Variants in GEN1 observed in about 807,000 individuals in gnomAD.
GEN1 encodes GEN1 structure-specific endonuclease.
In GEN1, 64 loss-of-function variants were observed where a neutral mutation model predicts 67.6. The ratio of observed to expected loss-of-function variants is 0.95; its 90% CI spans 0.77 to 1.17. The LOEUF is 1.17. Among genes scored for constraint, GEN1 ranks in the 50% most tolerant of loss-of-function variants. The pLI, the probability that GEN1 is intolerant of heterozygous loss-of-function variation, is 0.00. For synonymous variants in GEN1, 371 were observed against 359.4 expected (o/e 1.03, Z -0.37); for missense variants, 1,058 against 1,048.3 (o/e 1.01, Z -0.13).
intron 6 of GEN1, among the ~76,000 whole-genome samples, chr2:17,769,152 T>C (rs1361180788): frequency 6.6e-6 from 1 of 152,130 alleles, no homozygotes; most frequent in Non-Finnish European, 1.5e-5. Flanking sequence ...CCTGAGTAAC[T>C]GGGACAACAG....
chr2:17,780,818 C>A lies in GEN1; in HGVS notation c.1606C>A (p.Pro536Thr). 6.2e-7 allele frequency: 1 copy of A among 1,613,890 alleles called. No individual in the cohort carries two copies. Among genetic ancestry groups the A allele is most frequent in the Non-Finnish European group, 8.5e-7 (1 of 1,179,884 alleles). The change falls in exon 14 of 14, where the codon CCA becomes ACA. Residue 536 changes from proline to threonine, a missense_variant. Coordinates refer to ENST00000381254, the MANE Select transcript of GEN1 (RefSeq NM_001130009.3). ...TAGCTTGCTTTTACCTAAAAATACT[C>A]CATGTTTGAATGCACAAGAACAGTT... is the stretch of plus-strand genomic sequence containing the variant. ...LNSLLLPKNT[P>T]CLNAQEQFMS...
At position 17,771,249 on chromosome 2, in the gene GEN1, C is replaced by G. The variant is rs758265340; in HGVS notation, c.764C>G (p.Thr255Ser). The G allele has an allele frequency of 1.2e-6, 2 of 1,611,336 alleles. No individual in the cohort carries two copies. Among genetic ancestry groups the G allele is most frequent in the East Asian group, 2.2e-5 (1 of 44,830 alleles). The change falls in exon 7 of 14, where the codon ACT becomes AGT. Residue 255 changes from threonine (T) to serine (S), a missense_variant. Thr to Ser is a moderately conservative substitution (Grantham distance 58). Transcript: ENST00000381254. ...AACTCTAGTCCACAACTGCTAGTCA[C>G]TAAAAAACTGGCTCATTGTTCCGTA... Reference protein sequence around the residue: ...SCNSSPQLLVTKKLAHCSVCS... With the variant: ...SCNSSPQLLVSKKLAHCSVCS...
chr2:17,765,212 A>G (rs1671870393), intron 4 of GEN1, 139 bp downstream of exon 4: 1 of 694,386 alleles, frequency 1.4e-6, no homozygotes, highest in Admixed American at 3.2e-5. Context: ...GCTTACTGTT[A>G]TTAAAAATCA....
intron 5 of GEN1, among the ~76,000 whole-genome samples, chr2:17,767,382 T>C (rs7574887): frequency 0.14 from 21,637 of 152,226 alleles, 1,911 homozygotes; most frequent in African/African-American, 0.26. Flanking sequence ...TCCGTCATTT[T>C]ACCTCTATTC....
In GEN1 at chr2:17,781,826, A is replaced by G; in HGVS notation, c.2614A>G (p.Lys872Glu). 6.2e-7 allele frequency: 1 copy of G among 1,612,772 alleles called. No homozygotes were observed. The highest frequency in any genetic ancestry group is 8.5e-7 in the Non-Finnish European group (1 of 1,179,498). The stretch of plus-strand genomic sequence containing the variant: ...AGAAAGCTGTTTCCCAGATTCAACA[A>G]AAAGTTCTCTGAGTTCTCTACAATG... ...NEESCFPDST[K>E]SSLSSLQCHK... Residue 872 changes from lysine to glutamate, a missense_variant, in exon 14 of 14, where the codon AAA becomes GAA. By Grantham distance (56) the Lys-to-Glu change is moderately conservative. Coordinates refer to ENST00000381254, the MANE Select transcript of GEN1 (RefSeq NM_001130009.3).
chr2:17,768,594 G>A, intron 5 of GEN1, 144 bp from the exon 6 acceptor site: 1 of 596,582 alleles, frequency 1.7e-6, no homozygotes, highest in Non-Finnish European at 3.0e-6. Flanking sequence ...TTTATGCATA[G>A]CAGTGTATCT....
chr2:17,757,027 GTTCT>G (rs1558393267), intron 1 of GEN1, among the ~76,000 whole-genome samples: 1 of 152,158 alleles, frequency 6.6e-6, no homozygotes, highest in East Asian at 1.9e-4. Flanking sequence ...ATATTATGAT[GTTCT>G]TTCTAATAAA....
chr2:17,768,342 T>C (rs1419960402), intron 5 of GEN1, among the ~76,000 whole-genome samples: 5 of 152,232 alleles, frequency 3.3e-5, no homozygotes, highest in Non-Finnish European at 7.4e-5. Context: ...TAAATGTTCA[T>C]GTAATTAAAT....
At position 17,774,388 on chromosome 2, in the gene GEN1, C is replaced by T. The variant is rs1159007998; in HGVS notation, c.1189C>T (p.Leu397=). ...GCTTGGTAGCAGAAACTCTAATCAA[C>T]TACAGCCAATTCGGTAATGTAAAGA... is the stretch of plus-strand genomic sequence containing the variant. The part of the protein sequence containing the change: ...RKLGSRNSNQ[L]QPIRIVKTRI... Residue 397 remains leucine, a synonymous_variant, in exon 11 of 14, where the codon CTA becomes TTA. Coordinates refer to ENST00000381254, the MANE Select transcript of GEN1 (RefSeq NM_001130009.3). 2 of 1,601,562 alleles carry T rather than the reference C, an allele frequency of 1.2e-6. No homozygotes were observed. Among genetic ancestry groups the T allele is most frequent in the Non-Finnish European group, 1.7e-6 (2 of 1,173,532 alleles).
intron 11 of GEN1, among the ~76,000 whole-genome samples, chr2:17,777,124 A>G (rs1672468887): frequency 6.6e-6 from 1 of 152,110 alleles, no homozygotes; most frequent in Admixed American, 6.5e-5. Flanking sequence ...AAGACTCAAA[A>G]AAAAAAGGAT....
chr2:17,756,840 T>G (rs1185330053), intron 1 of GEN1, among the ~76,000 whole-genome samples: 1 of 152,264 alleles, frequency 6.6e-6, no homozygotes, highest in Non-Finnish European at 1.5e-5. Context: ...AGTTGTACTT[T>G]AATATCTTAG....
At position 17,787,237 on chromosome 2, in the gene GEN1, C is replaced by G. The variant is rs62130895; in HGVS notation, c.*5298C>G. 2 of 152,182 alleles carry G rather than the reference C, an allele frequency of 1.3e-5. No individual in the cohort carries two copies. The highest frequency in any genetic ancestry group is 2.9e-5 in the Non-Finnish European group (2 of 68,046). The allele number at this position is 152,182 out of a possible 1,614,324, so 9.4% of individuals were successfully genotyped here. ...AGAGTATTTATCACATTCATTCATT[C>G]GTTCCACAAATATTAGCTGATGCCT... On this transcript the variant is annotated 3_prime_UTR_variant, in exon 14 of 14. Transcript: ENST00000381254.
rs1347223588 is a variant in GEN1, at chr2:17,773,211, C to G, written c.991-8C>G. 2 of 1,587,718 alleles carry G rather than the reference C, an allele frequency of 1.3e-6. No homozygotes were observed. Among genetic ancestry groups the G allele is most frequent in the African/African-American group, 1.4e-5 (1 of 73,754 alleles). On this transcript the variant is annotated splice_polypyrimidine_tract_variant and splice_region_variant and intron_variant, in intron 9 of 13. Transcript: ENST00000381254. ...AATCTCAGTTTCTATTTTCTTTTTT[C>G]TTGCTAGGTTATTCAAGAATTCCTT...
intron 2 of GEN1, among the ~76,000 whole-genome samples, chr2:17,760,797 C>T (rs1181764990): frequency 6.6e-6 from 1 of 151,760 alleles, no homozygotes; most frequent in African/African-American, 2.4e-5. Context: ...TGGCAGATGC[C>T]TGTAATCCCA....
Position 17,772,772 on chromosome 2 carries a change from A to G in GEN1, c.941A>G (p.Asn314Ser). ...GATAGGCAACTCAGTGAAGTAGAGA[A>G]CAATATTAAGAAGTAAGTTTTTTTA... ...EHDRQLSEVE[N>S]NIKKKACCCE... The change falls in exon 8 of 14, where the codon AAC (asparagine) becomes AGC (serine). Residue 314 changes from asparagine (N) to serine (S), a missense_variant. Coordinates refer to ENST00000381254, the MANE Select transcript of GEN1 (RefSeq NM_001130009.3). 6.2e-7 allele frequency: 1 copy of G among 1,608,630 alleles called. No individual in the cohort carries two copies. Among genetic ancestry groups the G allele is most frequent in the Non-Finnish European group, 8.5e-7 (1 of 1,177,328 alleles).
chr2:17,778,252 ACACACATATGTGTG>A (rs1672577528), intron 12 of GEN1, among the ~76,000 whole-genome samples, 189 bp downstream of exon 12: 1 of 107,438 alleles, frequency 9.3e-6, no homozygotes, highest in South Asian at 3.3e-4. Context: ...ATATATGTAT[ACACACATATGTGTG>A]TACATATATG....
At chr2:17,762,359 A>G (rs768858242) in intron 3 of GEN1, among the ~76,000 whole-genome samples, 52 of 148,810 alleles carry the variant, frequency 3.5e-4, no homozygotes, top group Admixed American at 8.7e-4. Flanking sequence ...CCGCCACCAC[A>G]CCTGGCTAAG....
chr2:17,779,605 AT>A (rs113812462), intron 12 of GEN1, among the ~76,000 whole-genome samples: 193 of 145,972 alleles, frequency 1.3e-3, no homozygotes, highest in Admixed American at 2.0e-3. Context: ...GGAAAGATTG[AT>A]TTTTTTTTTT....
At chr2:17,766,278 G>A (rs1017027608) in intron 4 of GEN1, among the ~76,000 whole-genome samples, 1 of 151,946 alleles carries the variant, frequency 6.6e-6, no homozygotes, top group Non-Finnish European at 1.5e-5. Flanking sequence ...AGTAATTCTT[G>A]TGCCTCAGCC....
Sources: gnomAD v4.1 joint callset for allele counts (sites outside exome capture counted in the v4.1 genomes callset) on GRCh38, gnomAD v4.1.1 for gene constraint, MANE v1.5 for transcripts, NCBI Gene and HGNC (gene_info 2026-07-23, HGNC 2026-07-21) for gene names.